ARHGAP19: variants seen among roughly 807,000 people sequenced by gnomAD.
The protein encoded by ARHGAP19 is Rho GTPase activating protein 19, also known as rho GTPase-activating protein 19.
In ARHGAP19, 48 loss-of-function variants were observed where a neutral mutation model predicts 60.9. The ratio of observed to expected loss-of-function variants is 0.79; its 90% CI spans 0.62 to 1.00. The LOEUF (loss-of-function observed/expected upper bound fraction) is 1.00. ARHGAP19 is among the 50% of genes least tolerant of loss of function. The pLI is 0.00. For missense variants in ARHGAP19, 562 were observed against 597.2 expected, an observed-to-expected ratio of 0.94 and a Z score of 0.61; for synonymous variants, 209 against 215.5, an observed-to-expected ratio of 0.97 and a Z score of 0.27.
Position 97,229,196 on chromosome 10 carries a change from C to T in ARHGAP19, c.1425G>A (p.Met475Ile), listed in dbSNP as rs538002721. ...LLFSGSPAVT[M>I]TPTRLKWSEG... ...CAGACCACTTCAATCTTGTTGGTGTCATCGTGACAGCTGGAGAGCCAGAAA... is the reference window on the plus strand; with the variant it reads ...CAGACCACTTCAATCTTGTTGGTGTTATCGTGACAGCTGGAGAGCCAGAAA... The change falls in exon 11 of 12, where the codon ATG (methionine) becomes ATA (isoleucine). Residue 475 changes from methionine to isoleucine, a missense_variant. Physicochemically the swap from Met to Ile is conservative, Grantham distance 10. Transcript: ENST00000358531. 79 of 1,614,098 alleles carry T rather than the reference C, an allele frequency of 4.9e-5. No homozygotes were observed. The Middle Eastern group carries it at 9.9e-4, about 20-fold the overall frequency.
intron 1 of ARHGAP19, among the ~76,000 whole-genome samples, chr10:97,269,278 T>C (rs1423204412): frequency 6.6e-6 from 1 of 152,222 alleles, no homozygotes; most frequent in Non-Finnish European, 1.5e-5. Flanking sequence ...TGAAAACTTA[T>C]TACATGATTT....
At chr10:97,229,696 T>TG in intron 10 of ARHGAP19, 68 bp downstream of exon 10, 1 of 1,126,246 alleles carries the variant, frequency 8.9e-7, no homozygotes, top group Non-Finnish European at 1.3e-6. Flanking sequence ...CAGATGACAG[T>TG]ATATCAATTT....
At chr10:97,278,811 T>TA (rs57887786) in intron 1 of ARHGAP19, among the ~76,000 whole-genome samples, 26 of 148,828 alleles carry the variant, frequency 1.7e-4, no homozygotes, top group South Asian at 1.5e-3. Flanking sequence ...TCAAGGCAGT[T>TA]AAAAAAAAAA....
chr10:97,234,254 C>T (rs866777296), intron 9 of ARHGAP19, among the ~76,000 whole-genome samples: 3 of 151,294 alleles, frequency 2.0e-5, no homozygotes, highest in Admixed American at 6.6e-5. Flanking sequence ...GCGACAACAG[C>T]GAGACTCTGT....
chr10:97,256,648 A>G (rs1162895723), intron 5 of ARHGAP19: 3 of 355,044 alleles, frequency 8.4e-6, no homozygotes, highest in Non-Finnish European at 1.5e-5. Context: ...CTGCTTGAAA[A>G]TTAGACATGT....
intron 6 of ARHGAP19, among the ~76,000 whole-genome samples, chr10:97,246,903 C>T (rs2134845952): frequency 6.6e-6 from 1 of 152,028 alleles, no homozygotes; most frequent in South Asian, 2.1e-4. Context: ...TATGGGAGGC[C>T]AAGGTGGGTG....
chr10:97,237,158 AG>A (rs199953116), intron 8 of ARHGAP19, among the ~76,000 whole-genome samples: 3,110 of 151,178 alleles, frequency 0.021, 122 homozygotes, highest in African/African-American at 0.072. Context: ...CCGGCTACTC[AG>A]GAGGCTGAAG....
At chr10:97,236,061 C>T (rs1408918729) in intron 8 of ARHGAP19, among the ~76,000 whole-genome samples, 5 of 152,128 alleles carry the variant, frequency 3.3e-5, no homozygotes, top group African/African-American at 4.8e-5. Flanking sequence ...CTGCAACCTC[C>T]GCCTCCCAGG....
rs144560113 is a variant in ARHGAP19 at position 97,233,575 on chromosome 10, G to A, written c.1284+1642C>T. ...CCAAACACCACATGTTCTCACTTGT[G>A]AGTAGGAGCTGGCCGGGTGCAGTGG... On this transcript the variant is annotated intron_variant, in intron 9 of 11. Coordinates refer to ENST00000358531, the MANE Select transcript of ARHGAP19 (RefSeq NM_032900.6). Among the ~76,000 whole-genome samples the A allele has an allele frequency of 2.0e-4, 31 of 152,298 alleles. No individual in the cohort carries two copies. In the East Asian group the frequency reaches 6.0e-3, roughly 29 times the overall value.
chr10:97,264,471 A>G (rs1418604254), intron 3 of ARHGAP19, among the ~76,000 whole-genome samples: 2 of 151,996 alleles, frequency 1.3e-5, no homozygotes, highest in African/African-American at 2.4e-5. Context: ...AAAAAAAGTA[A>G]AGAGTGTGTT....
intron 1 of ARHGAP19, among the ~76,000 whole-genome samples, chr10:97,284,469 T>C (rs547437511): frequency 6.6e-6 from 1 of 152,218 alleles, no homozygotes; most frequent in Non-Finnish European, 1.5e-5. Context: ...GTAAATATTA[T>C]ATAAGTTTAT....
chr10:97,268,948 A>G (rs1463254576), intron 1 of ARHGAP19, among the ~76,000 whole-genome samples: 1 of 152,238 alleles, frequency 6.6e-6, no homozygotes, highest in Admixed American at 6.5e-5. Context: ...AATCTTTATT[A>G]CATAAGCAGT....
chr10:97,273,407 C>G (rs1404400963), intron 1 of ARHGAP19, among the ~76,000 whole-genome samples: 3 of 152,150 alleles, frequency 2.0e-5, no homozygotes, highest in Admixed American at 1.3e-4. Flanking sequence ...AGGTGATCCA[C>G]CCACCTCAGC....
In ARHGAP19 at chr10:97,225,974, G is replaced by GT. The variant is rs1158385106; in HGVS notation, c.*147dup. 1 of 744,052 alleles carries GT rather than the reference G, an allele frequency of 1.3e-6. No individual in the cohort carries two copies. Among genetic ancestry groups the GT allele is most frequent in the Admixed American group, 2.5e-5 (1 of 39,560 alleles). 46.1% of individuals were successfully genotyped at this position (744,052 alleles called of 1,614,324 possible). On this transcript the variant is annotated 3_prime_UTR_variant, in exon 12 of 12. Transcript: ENST00000358531. ...CATCATCCAGTGAGTGGGGTTAGAG[G>GT]TATCAGTCGGGTCACGGTATTAGTT...
At chr10:97,259,340 C>T in intron 5 of ARHGAP19, 62 bp downstream of exon 5, 1 of 1,270,942 alleles carries the variant, frequency 7.9e-7, no homozygotes, top group South Asian at 1.2e-5. Context: ...CAATGTACAG[C>T]CATAGAATGA....
At chr10:97,259,356 A>T in intron 5 of ARHGAP19, 46 bp downstream of exon 5, 2 of 1,465,698 alleles carry the variant, frequency 1.4e-6, no homozygotes, top group Non-Finnish European at 1.9e-6. Flanking sequence ...AATGAGGCCC[A>T]GCCCAAGAAA....
intron 9 of ARHGAP19, among the ~76,000 whole-genome samples, chr10:97,232,472 T>C (rs565394675): frequency 6.6e-5 from 10 of 152,092 alleles, no homozygotes; most frequent in African/African-American, 2.2e-4. Flanking sequence ...CTCTGCCCAC[T>C]CTTTAATGAG....
chr10:97,271,871 CTA>C (rs1418217362), intron 1 of ARHGAP19, among the ~76,000 whole-genome samples: 1 of 151,702 alleles, frequency 6.6e-6, no homozygotes, highest in African/African-American at 2.4e-5. Flanking sequence ...TTTTGTGCCT[CTA>C]TTGATGATCA....
chr10:97,264,650 A>G (rs1842874671), intron 3 of ARHGAP19, among the ~76,000 whole-genome samples, 176 bp downstream of exon 3: 1 of 152,198 alleles, frequency 6.6e-6, no homozygotes, highest in Non-Finnish European at 1.5e-5. Flanking sequence ...AAACAAATGA[A>G]TATATGAGAT....
Sources: allele counts gnomAD v4.1 joint callset (sites outside exome capture counted in the v4.1 genomes callset), GRCh38; gene constraint gnomAD v4.1.1; transcripts MANE v1.5; gene names NCBI Gene and HGNC (gene_info 2026-07-23, HGNC 2026-07-21).